The following FARP1 variants were observed in gnomAD, a reference collection of about 807,000 sequenced individuals.
FARP1 encodes FERM, ARHGEF and pleckstrin domain-containing protein 1.
A neutral mutation model predicts 128.8 loss-of-function variants in FARP1; 52 were observed. That is an observed-to-expected ratio of 0.40 (90% confidence interval 0.32 to 0.51). The LOEUF (loss-of-function observed/expected upper bound fraction) is 0.51, where lower values mean the gene tolerates loss of function less well. Among genes scored for constraint, FARP1 ranks in the 20% least tolerant of loss-of-function variants. The pLI, the probability that FARP1 is intolerant of heterozygous loss-of-function variation, is 0.45. For synonymous variants in FARP1, 580 were observed against 551.8 expected, an observed-to-expected ratio of 1.05 and a Z score of -0.72; for missense variants, 1,333 against 1,367.9, an observed-to-expected ratio of 0.97 and a Z score of 0.40.
At chr13:98,153,296 A>AT (rs1876157589) in intron 1 of FARP1, among the ~76,000 whole-genome samples, 2 of 13,674 alleles carry the variant, frequency 1.5e-4, no homozygotes, top group Non-Finnish European at 2.4e-4. Context: ...AAATATATAT[A>AT]AATATATTTA....
intron 2 of FARP1, among the ~76,000 whole-genome samples, chr13:98,253,487 G>T (rs1883443110): frequency 6.6e-6 from 1 of 152,140 alleles, no homozygotes; most frequent in South Asian, 2.1e-4. Context: ...ACTGGATTTG[G>T]ACCCTGCCTG....
At chr13:98,372,107 G>A (rs1180012291) in intron 5 of FARP1, among the ~76,000 whole-genome samples, 39 of 113,178 alleles carry the variant, frequency 3.4e-4, no homozygotes, top group African/African-American at 1.1e-3. Flanking sequence ...TTTTTTTGGC[G>A]ATGGAGTCTC....
chr13:98,385,640 C>T, intron 7 of FARP1, 27 bp from the exon 8 acceptor site: 1 of 1,613,406 alleles, frequency 6.2e-7, no homozygotes. Context: ...ATCTCCTGGC[C>T]TTTCTGTTTA....
intron 18 of FARP1, chr13:98,435,085 T>G (rs1480243606): frequency 6.5e-6 from 1 of 153,104 alleles, no homozygotes; most frequent in Non-Finnish European, 1.5e-5. Flanking sequence ...AAGACAGAAC[T>G]GGGGTGTGGT....
Position 98,369,026 on chromosome 13 carries a change from A to G in FARP1, c.398+831A>G, listed in dbSNP as rs1034480873. On this transcript the variant is annotated intron_variant, in intron 5 of 26. Transcript: ENST00000319562. ...CTGCAACCTCTGCCTCCCGGATTCA[A>G]GCGATTCTCCTGCCTCAGCCTCCTG... 4.6e-5 allele frequency among the ~76,000 whole-genome samples: 7 copies of G among 151,828 alleles called. No individual in the cohort carries two copies. The East Asian group carries it at 1.4e-3, about 29-fold the overall frequency.
chr13:98,187,027 C>T (rs904257144), intron 1 of FARP1, among the ~76,000 whole-genome samples: 4 of 130,564 alleles, frequency 3.1e-5, no homozygotes, highest in African/African-American at 5.7e-5. Context: ...AAGCCATTAA[C>T]GTGCACATAC....
At chr13:98,288,341 A>G (rs1885294158) in intron 2 of FARP1, among the ~76,000 whole-genome samples, 1 of 152,160 alleles carries the variant, frequency 6.6e-6, no homozygotes, top group South Asian at 2.1e-4. Flanking sequence ...GCTATTCTGG[A>G]ACTGACGGGA....
intron 1 of FARP1, among the ~76,000 whole-genome samples, chr13:98,192,873 CAAGTG>C (rs1406364212): frequency 6.6e-6 from 1 of 152,140 alleles, no homozygotes; most frequent in Non-Finnish European, 1.5e-5. Flanking sequence ...GGTATTTTAT[CAAGTG>C]AAGTAGATTT....
intron 17 of FARP1, among the ~76,000 whole-genome samples, chr13:98,430,354 TG>T (rs546075250): frequency 7.9e-5 from 12 of 152,234 alleles, no homozygotes; most frequent in Non-Finnish European, 1.5e-4. Context: ...ACTCGGTTTT[TG>T]TGTCCTGGGG....
rs186500270 is a variant in FARP1, at chr13:98,240,266, G to A, written c.171+26853G>A. The stretch of plus-strand genomic sequence containing the variant: ...ACACGCGATGACGAATGAATGATTA[G>A]ATCTGAGGCCTTGGAGGGGTCAGCG... On this transcript the variant is annotated intron_variant, in intron 2 of 26. Transcript: ENST00000319562. Among the ~76,000 whole-genome samples the A allele has an allele frequency of 1.1e-4, 17 of 152,338 alleles. No individual in the cohort carries two copies. The East Asian group carries it at 2.9e-3, about 26-fold the overall frequency.
intron 2 of FARP1, among the ~76,000 whole-genome samples, chr13:98,311,489 C>G (rs1200490956): frequency 6.6e-6 from 1 of 152,184 alleles, no homozygotes; most frequent in African/African-American, 2.4e-5. Flanking sequence ...ATGACATACT[C>G]TCTTCATCCT....
At chr13:98,256,423 G>C (rs1883587942) in intron 2 of FARP1, among the ~76,000 whole-genome samples, 2 of 152,118 alleles carry the variant, frequency 1.3e-5, no homozygotes, top group African/African-American at 2.4e-5. Context: ...TGGATACACA[G>C]TTAGTTTTGC....
chr13:98,445,971 G>A (rs1892807907), intron 24 of FARP1, 127 bp from the exon 25 acceptor site: 5 of 632,890 alleles, frequency 7.9e-6, no homozygotes, highest in Non-Finnish European at 1.1e-5. Flanking sequence ...GGGGAGCGGG[G>A]GTGGGGCCCA....
chr13:98,403,106 C>T (rs1418299355), intron 13 of FARP1: 1 of 144,684 alleles, frequency 6.9e-6, no homozygotes, highest in Admixed American at 6.9e-5. Flanking sequence ...TTTTTTAACA[C>T]TGCTGAATAC....
intron 16 of FARP1, among the ~76,000 whole-genome samples, chr13:98,415,353 C>T (rs1891335597): frequency 6.6e-6 from 1 of 152,206 alleles, no homozygotes; most frequent in African/African-American, 2.4e-5. Flanking sequence ...TGCTAACAGT[C>T]TATGATTCCT....
intron 2 of FARP1, among the ~76,000 whole-genome samples, chr13:98,324,188 CTT>C (rs1887129319): frequency 1.3e-5 from 2 of 152,126 alleles, no homozygotes; most frequent in South Asian, 4.1e-4. Flanking sequence ...TCTTGATTTT[CTT>C]TGTGTTTTCA....
Position 98,395,369 on chromosome 13 carries a change from G to A in FARP1, c.1307G>A (p.Gly436Asp), listed in dbSNP as rs561855491. The change falls in exon 13 of 27, where the codon GGT becomes GAT. Residue 436 changes from glycine to aspartate, a missense_variant. Gly to Asp is a moderately conservative substitution (Grantham distance 94, BLOSUM62 -1). Transcript: ENST00000319562. ...PSPAPRRSPA[G>D]NKQADGAASA... is the part of the protein sequence containing the mutation. ...CCTGCGCCGAGGAGAAGCCCCGCGG[G>A]TAACAAGCAGGCGGACGGAGCCGCC... The A allele has an allele frequency of 5.6e-6, 9 of 1,611,812 alleles. No individual in the cohort carries two copies. The South Asian group carries it at 7.7e-5, about 14-fold the overall frequency.
intron 13 of FARP1, chr13:98,405,584 C>T (rs780623955): frequency 5.9e-5 from 9 of 152,118 alleles, no homozygotes; most frequent in Non-Finnish European, 8.8e-5. Context: ...TGACATCTAA[C>T]TGAATGCCTA....
chr13:98,385,876 C>T, intron 8 of FARP1, 62 bp downstream of exon 8: 5 of 1,558,750 alleles, frequency 3.2e-6, no homozygotes, highest in Non-Finnish European at 4.4e-6. Context: ...GCTGGCCCTT[C>T]AACTCTGATT....
Sources: allele counts gnomAD v4.1 joint callset (sites outside exome capture counted in the v4.1 genomes callset), GRCh38; gene constraint gnomAD v4.1.1; transcripts MANE v1.5; gene names NCBI Gene and HGNC (gene_info 2026-07-23, HGNC 2026-07-21).